FRMD4B: variants seen among roughly 807,000 people sequenced by gnomAD.
The protein encoded by FRMD4B is FERM domain-containing protein 4B.
In FRMD4B, 74 loss-of-function variants were observed where a neutral mutation model predicts 141.5. That is an observed-to-expected ratio of 0.52 (90% CI 0.43 to 0.63). The LOEUF (loss-of-function observed/expected upper bound fraction) is 0.63, where lower values mean the gene tolerates loss of function less well. Ranked by LOEUF, FRMD4B falls within the 30% of genes least tolerant of loss-of-function variation. FRMD4B has a pLI of 0.00. For synonymous variants in FRMD4B, 506 were observed against 467.9 expected (o/e 1.08, Z -1.05); for missense variants, 1,366 against 1,253.4 (o/e 1.09, Z -1.36).
chr3:69,217,726 T>C (rs951401612), intron 10 of FRMD4B, among the ~76,000 whole-genome samples: 6 of 152,194 alleles, frequency 3.9e-5, no homozygotes, highest in African/African-American at 1.4e-4. Context: ...TATAGAGATA[T>C]GAACATTATC....
At chr3:69,460,553 T>C (rs1363586282) in intron 1 of FRMD4B, among the ~76,000 whole-genome samples, 1 of 152,142 alleles carries the variant, frequency 6.6e-6, no homozygotes, top group African/African-American at 2.4e-5. Flanking sequence ...CTGGAAAGCG[T>C]TTTAAAATAT....
At chr3:69,335,902 T>C (rs1379408391) in intron 1 of FRMD4B, among the ~76,000 whole-genome samples, 1 of 151,812 alleles carries the variant, frequency 6.6e-6, no homozygotes, top group Non-Finnish European at 1.5e-5. Context: ...TTTGTATTTT[T>C]AGTAGAGACA....
At chr3:69,433,183 T>C (rs1331649541) in intron 1 of FRMD4B, 1 of 152,222 alleles carries the variant, frequency 6.6e-6, no homozygotes, top group Non-Finnish European at 1.5e-5. Context: ...CAGAATGGCA[T>C]TCCTGAATCT....
intron 2 of FRMD4B, among the ~76,000 whole-genome samples, chr3:69,429,068 T>G: frequency 6.6e-6 from 1 of 152,200 alleles, no homozygotes; most frequent in Non-Finnish European, 1.5e-5. Flanking sequence ...CCTCTGTTAC[T>G]TAATACCTTT....
intron 1 of FRMD4B, among the ~76,000 whole-genome samples, chr3:69,378,806 T>TAA (rs960209156): frequency 6.9e-6 from 1 of 143,940 alleles, no homozygotes; most frequent in African/African-American, 2.5e-5. Flanking sequence ...TCATCAAGGT[T>TAA]AAAAAAAAAA....
In FRMD4B at chr3:69,394,932, C is replaced by T. The variant is rs140266386; in HGVS notation, c.-1+37702G>A. ...ACACAGAAACAGAAAACCAAACACC[C>T]GCCTGTTCTCACTCATAAGTGGTAG... On this transcript the variant is annotated intron_variant, in intron 2 of 5. Transcript: ENST00000459638. Among the ~76,000 whole-genome samples, 26 of 152,182 alleles carry T rather than the reference C, an allele frequency of 1.7e-4. No homozygotes were observed. In the East Asian group the frequency reaches 1.9e-3, roughly 11 times the overall value.
intron 5 of FRMD4B, among the ~76,000 whole-genome samples, chr3:69,265,995 T>C (rs534355616): frequency 4.6e-5 from 7 of 151,462 alleles, no homozygotes; most frequent in Admixed American, 1.3e-4. Context: ...ACAGTAGTTC[T>C]AGACCAGTCT....
chr3:69,483,908 C>T (rs1706171139), intron 1 of FRMD4B, among the ~76,000 whole-genome samples: 1 of 152,258 alleles, frequency 6.6e-6, no homozygotes, highest in Non-Finnish European at 1.5e-5. Context: ...CAGAACCCTG[C>T]TCAGTGAGGT....
chr3:69,328,321 T>C (rs145658233), intron 1 of FRMD4B, among the ~76,000 whole-genome samples: 7 of 152,390 alleles, frequency 4.6e-5, no homozygotes, highest in Middle Eastern at 3.4e-3. Context: ...CATTTAATGA[T>C]ATGCTACTGC....
At chr3:69,179,018 T>G (rs939781899) in intron 21 of FRMD4B, among the ~76,000 whole-genome samples, 3 of 151,578 alleles carry the variant, frequency 2.0e-5, no homozygotes, top group Admixed American at 2.0e-4. Context: ...AACTGGAAAT[T>G]TATCACTCCA....
Position 69,261,452 on chromosome 3 carries a change from C to T in FRMD4B, c.502-11353G>A, listed in dbSNP as rs530079006. On this transcript the variant is annotated intron_variant, in intron 5 of 22. Transcript: ENST00000398540. ...ACTTATAACCAATGTCTCACCAAAG[C>T]TAATAATGTTAACTTTTAGCTAATT... Among the ~76,000 whole-genome samples, 46 of 152,284 alleles carry T rather than the reference C, an allele frequency of 3.0e-4. No homozygotes were observed. The South Asian group carries it at 8.3e-3, about 27-fold the overall frequency.
At chr3:69,421,299 C>A (rs1704975055) in intron 2 of FRMD4B, among the ~76,000 whole-genome samples, 1 of 152,332 alleles carries the variant, frequency 6.6e-6, no homozygotes, top group Non-Finnish European at 1.5e-5. Flanking sequence ...CACTTTGTGT[C>A]TCTGGGCTTT....
chr3:69,340,816 C>T (rs1702715738), intron 1 of FRMD4B, among the ~76,000 whole-genome samples: 1 of 152,094 alleles, frequency 6.6e-6, no homozygotes, highest in Non-Finnish European at 1.5e-5. Context: ...TGATTAAATA[C>T]TGATGTACTT....
chr3:69,327,374 G>A (rs184939137), intron 1 of FRMD4B, among the ~76,000 whole-genome samples: 4 of 152,104 alleles, frequency 2.6e-5, no homozygotes, highest in African/African-American at 4.8e-5. Context: ...GCCTATTCAC[G>A]GTATAATACA....
At chr3:69,442,846 G>A (rs997900673) in intron 1 of FRMD4B, among the ~76,000 whole-genome samples, 1 of 152,190 alleles carries the variant, frequency 6.6e-6, no homozygotes, top group Non-Finnish European at 1.5e-5. Flanking sequence ...ACTCTGAGTG[G>A]CTTTGGGCCA....
chr3:69,501,149 G>A (rs1706489405), intron 1 of FRMD4B, among the ~76,000 whole-genome samples: 1 of 151,722 alleles, frequency 6.6e-6, no homozygotes, highest in African/African-American at 2.4e-5. Context: ...CCAACCAGTG[G>A]CCCAGGATGG....
chr3:69,283,431 A>AC (rs1491399902), intron 5 of FRMD4B, among the ~76,000 whole-genome samples: 1 of 5,826 alleles, frequency 1.7e-4, no homozygotes, highest in Non-Finnish European at 7.2e-3. Flanking sequence ...AACAACAACA[A>AC]AAAAAAAAAA....
chr3:69,169,809 A>T lies in FRMD4B; in HGVS notation c.*2052T>A, dbSNP rs1032909329. 1.2e-4 allele frequency among the ~76,000 whole-genome samples: 18 copies of T among 151,948 alleles called. No individual in the cohort carries two copies. The highest frequency in any genetic ancestry group is 3.9e-4 in the African/African-American group (16 of 41,362). ...ATGTATGGAAATATATTTCATTTCC[A>T]CTCCCTTCTCCACATTATGTAGGAT... On this transcript the variant is annotated 3_prime_UTR_variant, in exon 23 of 23. Transcript: ENST00000398540.
At chr3:69,298,426 C>A (rs1701104058) in intron 4 of FRMD4B, among the ~76,000 whole-genome samples, 1 of 152,216 alleles carries the variant, frequency 6.6e-6, no homozygotes, top group Non-Finnish European at 1.5e-5. Context: ...GCTGTGCCCT[C>A]CTGCCCTGTT....
Sources: allele counts gnomAD v4.1 joint callset (sites outside exome capture counted in the v4.1 genomes callset), GRCh38; gene constraint gnomAD v4.1.1; transcripts MANE v1.5; gene names NCBI Gene and HGNC (gene_info 2026-07-23, HGNC 2026-07-21).